SORCS1: variants seen among roughly 807,000 people sequenced by gnomAD.
SORCS1 encodes the protein sortilin related VPS10 domain containing receptor 1, also known as VPS10 domain-containing receptor SorCS1.
SORCS1 carries 60 observed loss-of-function variants against 146.1 expected under a neutral mutation model. The observed-to-expected ratio is 0.41, with a 90% CI of 0.33 to 0.51. SORCS1 has a LOEUF of 0.51. Among genes scored for constraint, SORCS1 ranks in the 20% least tolerant of loss-of-function variants. The pLI is 0.21. For missense variants in SORCS1, 1,352 were observed against 1,487.6 expected, an observed-to-expected ratio of 0.91 and a Z score of 1.50; for synonymous variants, 637 against 584.0, an observed-to-expected ratio of 1.09 and a Z score of -1.31.
At chr10:106,898,500 C>T (rs1448805003) in intron 2 of SORCS1, among the ~76,000 whole-genome samples, 1 of 152,138 alleles carries the variant, frequency 6.6e-6, no homozygotes, top group Non-Finnish European at 1.5e-5. Flanking sequence ...TCAACCATTC[C>T]GAAATGAGCA....
intron 23 of SORCS1, among the ~76,000 whole-genome samples, chr10:106,605,320 T>G (rs1846499899): frequency 1.3e-5 from 2 of 152,150 alleles, no homozygotes; most frequent in African/African-American, 2.4e-5. Context: ...AATGGACCCC[T>G]CTTCTTTCCA....
At chr10:106,695,996 C>T (rs1182144688) in intron 9 of SORCS1, among the ~76,000 whole-genome samples, 1 of 152,132 alleles carries the variant, frequency 6.6e-6, no homozygotes, top group Admixed American at 6.5e-5. Flanking sequence ...GTGCTTCCTT[C>T]TGCATTTTTT....
intron 1 of SORCS1, among the ~76,000 whole-genome samples, chr10:107,074,808 AT>A (rs893314977): frequency 9.2e-5 from 14 of 151,644 alleles, no homozygotes; most frequent in African/African-American, 3.4e-4. Context: ...GATGTGCAGC[AT>A]TTTTTTTCAT....
At chr10:107,095,859 GC>G (rs1430506136) in intron 1 of SORCS1, among the ~76,000 whole-genome samples, 1 of 151,880 alleles carries the variant, frequency 6.6e-6, no homozygotes, top group African/African-American at 2.4e-5. Context: ...ATATTATAAA[GC>G]CAAATATGAA....
chr10:106,848,017 T>A (rs2137228795), intron 2 of SORCS1, among the ~76,000 whole-genome samples: 1 of 141,100 alleles, frequency 7.1e-6, no homozygotes, highest in East Asian at 2.1e-4. Flanking sequence ...ATGTGGTCAA[T>A]TTTGGAATAG....
intron 1 of SORCS1, among the ~76,000 whole-genome samples, chr10:107,125,938 G>A (rs1966689735): frequency 2.0e-5 from 3 of 152,164 alleles, no homozygotes; most frequent in African/African-American, 4.8e-5. Flanking sequence ...AAATTGGAAT[G>A]TCCTTCCTTC....
chr10:106,764,638 AAGAT>A lies in SORCS1; in HGVS notation c.886-2981_886-2978del, dbSNP rs148471409. Among the ~76,000 whole-genome samples, 1,506 of 152,274 alleles carry A rather than the reference AAGAT, an allele frequency of 9.9e-3. 31 individuals are homozygous for A. The highest frequency in any genetic ancestry group is 0.035 in the African/African-American group (1,439 of 41,538). ...TCTCTAGCTATGCCAAGCTTAGAGA[AAGAT>A]AGAAAGATTAGGAAGAGAATGAAAG... On this transcript the variant is annotated intron_variant, in intron 4 of 25. Coordinates refer to ENST00000263054, the MANE Select transcript of SORCS1 (RefSeq NM_052918.5).
At chr10:106,912,726 TG>T (rs1952225519) in intron 2 of SORCS1, among the ~76,000 whole-genome samples, 1 of 152,202 alleles carries the variant, frequency 6.6e-6, no homozygotes, top group African/African-American at 2.4e-5. Flanking sequence ...TCGCCCAGGC[TG>T]GAGTGCATTG....
At chr10:106,913,859 T>G (rs1052624231) in intron 2 of SORCS1, among the ~76,000 whole-genome samples, 1 of 152,080 alleles carries the variant, frequency 6.6e-6, no homozygotes, top group African/African-American at 2.4e-5. Flanking sequence ...TGTCCTTGAG[T>G]TGCTACATTC....
chr10:106,911,609 A>G (rs1328451134), intron 2 of SORCS1, among the ~76,000 whole-genome samples: 2 of 152,176 alleles, frequency 1.3e-5, no homozygotes, highest in East Asian at 3.9e-4. Flanking sequence ...CAGCACCTGC[A>G]GTCACAGCAT....
At chr10:106,682,273 C>T (rs1323820704) in intron 10 of SORCS1, among the ~76,000 whole-genome samples, 1 of 152,182 alleles carries the variant, frequency 6.6e-6, no homozygotes, top group Non-Finnish European at 1.5e-5. Flanking sequence ...ATACATTAAT[C>T]TGAGGAAAAA....
At chr10:107,138,031 A>G (rs1233608220) in intron 1 of SORCS1, among the ~76,000 whole-genome samples, 1 of 152,202 alleles carries the variant, frequency 6.6e-6, no homozygotes, top group Non-Finnish European at 1.5e-5. Context: ...TAAATGAGTT[A>G]TTGAGTGGAA....
intron 8 of SORCS1, among the ~76,000 whole-genome samples, chr10:106,701,043 T>C (rs1350299901): frequency 1.3e-5 from 2 of 152,224 alleles, no homozygotes; most frequent in Admixed American, 1.3e-4. Context: ...GTTCCTTATA[T>C]AAAGTGGTGT....
intron 2 of SORCS1, among the ~76,000 whole-genome samples, chr10:106,924,455 CCA>C (rs1354409237): frequency 6.9e-6 from 1 of 144,478 alleles, no homozygotes; most frequent in East Asian, 2.1e-4. Flanking sequence ...TATGAAAATT[CCA>C]CAGTTATCGA....
chr10:106,906,489 A>G (rs1192666220), intron 2 of SORCS1, among the ~76,000 whole-genome samples: 1 of 152,194 alleles, frequency 6.6e-6, no homozygotes, highest in African/African-American at 2.4e-5. Flanking sequence ...TGGGAGGTGA[A>G]AGGCACTTCT....
chr10:106,592,661 T>C (rs1011887873), intron 24 of SORCS1, among the ~76,000 whole-genome samples: 1 of 151,998 alleles, frequency 6.6e-6, no homozygotes, highest in Non-Finnish European at 1.5e-5. Flanking sequence ...TTGCTAACAA[T>C]GGTTCTTTTT....
intron 3 of SORCS1, among the ~76,000 whole-genome samples, chr10:106,789,065 C>G (rs1270001654): frequency 6.6e-6 from 1 of 152,220 alleles, no homozygotes; most frequent in Non-Finnish European, 1.5e-5. Flanking sequence ...GTCACCAAGG[C>G]TTAGGACTTG....
At chr10:106,586,413 T>G (rs1047899191) in intron 24 of SORCS1, among the ~76,000 whole-genome samples, 2 of 150,556 alleles carry the variant, frequency 1.3e-5, no homozygotes, top group Non-Finnish European at 3.0e-5. Context: ...TTGCTTTACT[T>G]TTTTTTTTTC....
chr10:106,755,358 ATCACT>A (rs1035428089), intron 5 of SORCS1, among the ~76,000 whole-genome samples: 8 of 152,214 alleles, frequency 5.3e-5, no homozygotes, highest in African/African-American at 1.9e-4. Context: ...GATAAACAAC[ATCACT>A]TCACTTTTCT....
Sources: gnomAD v4.1 joint callset for allele counts (sites outside exome capture counted in the v4.1 genomes callset) on GRCh38, gnomAD v4.1.1 for gene constraint, MANE v1.5 for transcripts, NCBI Gene and HGNC (gene_info 2026-07-23, HGNC 2026-07-21) for gene names.